The following SLC2A9 variants were observed in gnomAD, a reference collection of about 807,000 sequenced individuals.
SLC2A9 encodes the protein solute carrier family 2, facilitated glucose transporter member 9.
SLC2A9 carries 39 observed loss-of-function variants against 50.6 expected under a neutral mutation model. The ratio of observed to expected loss-of-function variants is 0.77; its 90% confidence interval spans 0.60 to 1.01. SLC2A9 has a LOEUF of 1.01. Ranked by LOEUF, SLC2A9 falls within the 50% of genes least tolerant of loss-of-function variation. The pLI, the probability that SLC2A9 is intolerant of heterozygous loss-of-function variation, is 0.00. For synonymous variants in SLC2A9, 324 were observed against 276.9 expected, an observed-to-expected ratio of 1.17 and a Z score of -1.69; for missense variants, 686 against 677.6, an observed-to-expected ratio of 1.01 and a Z score of -0.14.
chr4:9,782,301 C>T, intron 3 of SLC2A9: 1 of 1,614,006 alleles, frequency 6.2e-7, no homozygotes, highest in Non-Finnish European at 8.5e-7. Flanking sequence ...CTTTTCGTGG[C>T]GCTGCTGGTC....
chr4:9,895,432 C>T (rs964141174), intron 8 of SLC2A9, among the ~76,000 whole-genome samples: 3 of 152,176 alleles, frequency 2.0e-5, no homozygotes, highest in Non-Finnish European at 4.4e-5. Context: ...GTGGTATTTC[C>T]ACTTGACATT....
chr4:9,782,191 C>G, intron 3 of SLC2A9: 1 of 1,607,472 alleles, frequency 6.2e-7, no homozygotes, highest in Non-Finnish European at 8.5e-7. Context: ...TCATCTGGAC[C>G]CTGCTGGGCA....
intron 10 of SLC2A9, among the ~76,000 whole-genome samples, chr4:9,884,165 G>T (rs1222346651): frequency 6.6e-6 from 1 of 152,216 alleles, no homozygotes; most frequent in Non-Finnish European, 1.5e-5. Flanking sequence ...TATTTGTTAG[G>T]CAGCTAGCGT....
intron 5 of SLC2A9, among the ~76,000 whole-genome samples, chr4:9,969,851 A>G (rs1185540098): frequency 6.6e-6 from 1 of 152,238 alleles, no homozygotes; most frequent in African/African-American, 2.4e-5. Flanking sequence ...TTCCCACAAC[A>G]CATGGGAATT....
chr4:9,992,755 G>A (rs1400529903), intron 3 of SLC2A9, among the ~76,000 whole-genome samples: 1 of 152,170 alleles, frequency 6.6e-6, no homozygotes. Context: ...TTATATTTTA[G>A]TTATTGTGAG....
At chr4:9,963,500 C>T (rs796462685) in intron 5 of SLC2A9, among the ~76,000 whole-genome samples, 2 of 152,166 alleles carry the variant, frequency 1.3e-5, no homozygotes, top group South Asian at 4.1e-4. Flanking sequence ...GGACTTTGGT[C>T]CCAGGGAAAG....
chr4:10,017,041 C>G (rs976513726), intron 2 of SLC2A9, among the ~76,000 whole-genome samples: 1 of 152,188 alleles, frequency 6.6e-6, no homozygotes, highest in Non-Finnish European at 1.5e-5. Flanking sequence ...GCTTCAGCTC[C>G]CCACCTCCCT....
At chr4:9,911,044 A>AT (rs746830125) in intron 7 of SLC2A9, among the ~76,000 whole-genome samples, 6 of 152,094 alleles carry the variant, frequency 3.9e-5, no homozygotes, top group Non-Finnish European at 8.8e-5. Context: ...GAAATATCCA[A>AT]TGCAGATGAC....
intron 1 of SLC2A9, among the ~76,000 whole-genome samples, chr4:10,038,818 A>G (rs555581708): frequency 1.3e-5 from 2 of 152,292 alleles, no homozygotes; most frequent in East Asian, 3.9e-4. Flanking sequence ...CTTTTAGGCA[A>G]AGAGCACCAA....
chr4:9,771,330 A>T, exon 2 of SLC2A9: 1 of 392,234 alleles, frequency 2.5e-6, no homozygotes, highest in Non-Finnish European at 4.5e-6. Context: ...GTATCCAGGC[A>T]CATTCATTTC....
At chr4:9,783,174 C>CG (rs1315392098) in intron 3 of SLC2A9, 2 of 1,614,100 alleles carry the variant, frequency 1.2e-6, no homozygotes, top group Non-Finnish European at 1.7e-6. Context: ...TGCTCCCGCA[C>CG]GCCGGTGGAG....
In SLC2A9 at chr4:10,021,384, G is replaced by T; in HGVS notation, c.46C>A (p.Pro16Thr). Residue 16 changes from proline to threonine, a missense_variant, in exon 1 of 12, where the codon CCC becomes ACC. Coordinates refer to ENST00000264784, the MANE Select transcript of SLC2A9 (RefSeq NM_020041.3). ...NRNSKELGLV[P>T]LTDDTSHAGP... is the part of the protein sequence containing the mutation. The stretch of plus-strand genomic sequence containing the variant: ...GCGTGGCTGGTGTCATCTGTGAGGG[G>T]AACTAGGCCCAGTTCCTTGGAATTC... 6.2e-7 allele frequency: 1 copy of T among 1,614,240 alleles called. No homozygotes were observed. Among genetic ancestry groups the T allele is most frequent in the Non-Finnish European group, 8.5e-7 (1 of 1,180,040 alleles).
intron 3 of SLC2A9, among the ~76,000 whole-genome samples, chr4:9,991,408 G>A (rs1203526489): frequency 6.6e-6 from 1 of 152,154 alleles, no homozygotes; most frequent in Non-Finnish European, 1.5e-5. Context: ...TTGAACGCAT[G>A]TAACCTCGCT....
chr4:9,948,330 G>T (rs1251308094), intron 5 of SLC2A9, among the ~76,000 whole-genome samples: 2 of 152,118 alleles, frequency 1.3e-5, no homozygotes, highest in East Asian at 1.9e-4. Context: ...AGAGATTTGG[G>T]GTTAATTGGT....
At chr4:9,799,277 A>C (rs565197306) in intron 3 of SLC2A9, 1 of 143,718 alleles carries the variant, frequency 7.0e-6, no homozygotes, top group South Asian at 2.3e-4. Context: ...TAATTTATAA[A>C]CAACAGACAT....
At chr4:9,959,157 C>A (rs1318040394) in intron 5 of SLC2A9, among the ~76,000 whole-genome samples, 3 of 150,950 alleles carry the variant, frequency 2.0e-5, no homozygotes, top group Non-Finnish European at 4.4e-5. Context: ...ATCAGCCTGG[C>A]CAATGTGGTT....
In SLC2A9 at chr4:9,908,259, G is replaced by C. The variant is rs768651091; in HGVS notation, c.1089C>G (p.Ile363Met). ...CAGAGAAGACGGCAGCCAAAGTCTC[G>C]ATGCCCCCTGTACTCAAGGTGACGT... ...IPYVTLSTGG[I>M]ETLAAVFSGL... The change falls in exon 8 of 12, where the codon ATC becomes ATG. Residue 363 changes from isoleucine (I) to methionine (M), a missense_variant. Ile to Met is a conservative substitution (Grantham distance 10). Transcript: ENST00000264784. The C allele has an allele frequency of 6.2e-7, 1 of 1,613,856 alleles. No individual in the cohort carries two copies. The highest frequency in any genetic ancestry group is 2.2e-5 in the East Asian group (1 of 44,880).
chr4:9,814,005 T>G (rs969844676), intron 3 of SLC2A9, among the ~76,000 whole-genome samples: 1 of 152,160 alleles, frequency 6.6e-6, no homozygotes, highest in Non-Finnish European at 1.5e-5. Flanking sequence ...CCAGGCGTGG[T>G]GGCACATGCC....
chr4:9,889,202 G>A (rs1736867388), intron 9 of SLC2A9, among the ~76,000 whole-genome samples: 1 of 55,790 alleles, frequency 1.8e-5, no homozygotes, highest in African/African-American at 8.3e-5. Flanking sequence ...GAATGTCCAA[G>A]GCCTCCTGAG....
Sources: allele counts gnomAD v4.1 joint callset (sites outside exome capture counted in the v4.1 genomes callset), GRCh38; gene constraint gnomAD v4.1.1; transcripts MANE v1.5; gene names NCBI Gene and HGNC (gene_info 2026-07-23, HGNC 2026-07-21).